EXOG: variants seen among roughly 807,000 people sequenced by gnomAD.
EXOG encodes the protein nuclease EXOG, mitochondrial.
In EXOG, 27 loss-of-function variants were observed where a neutral mutation model predicts 25.8. The ratio of observed to expected loss-of-function variants is 1.05; its 90% CI spans 0.77 to 1.45. The LOEUF is 1.45. Among genes scored for constraint, EXOG ranks in the 40% most tolerant of loss-of-function variants. The pLI is 0.00. For synonymous variants in EXOG, 133 were observed against 167.0 expected, an observed-to-expected ratio of 0.80 and a Z score of 1.57; for missense variants, 458 against 450.5, an observed-to-expected ratio of 1.02 and a Z score of -0.15.
At chr3:38,501,003 T>TA (rs201210312) in intron 2 of EXOG, among the ~76,000 whole-genome samples, 3 of 152,236 alleles carry the variant, frequency 2.0e-5, no homozygotes, top group Non-Finnish European at 4.4e-5. Flanking sequence ...GAGTCTTTTT[T>TA]AAAAAACAAG....
chr3:38,517,165 T>A (rs1165108665), intron 5 of EXOG, among the ~76,000 whole-genome samples: 1 of 152,266 alleles, frequency 6.6e-6, no homozygotes, highest in Non-Finnish European at 1.5e-5. Context: ...TATTACTATG[T>A]TAGTTGCTAA....
In EXOG at chr3:38,497,692, GTTACAC is replaced by G. The variant is rs2059935569; in HGVS notation, c.229_234del (p.Tyr77_Thr78del). 6.2e-7 allele frequency: 1 copy of G among 1,608,520 alleles called. No individual in the cohort carries two copies. The highest frequency in any genetic ancestry group is 1.7e-5 in the Admixed American group (1 of 59,008). ...CCTTTAACTGGAACAGAGGCAAGGT[GTTACAC>G]TAATCACGCTTTGTCTTATGATCAG... On this transcript the variant is annotated inframe_deletion, in exon 2 of 6. Transcript: ENST00000287675.
intron 5 of EXOG, among the ~76,000 whole-genome samples, chr3:38,520,426 T>C (rs1212629131): frequency 6.6e-6 from 1 of 152,232 alleles, no homozygotes; most frequent in Non-Finnish European, 1.5e-5. Context: ...CAAAATATTT[T>C]TATACCTAAA....
intron 4 of EXOG, 88 bp from the exon 5 acceptor site, chr3:38,506,766 G>T: frequency 1.8e-6 from 1 of 540,880 alleles, no homozygotes; most frequent in Non-Finnish European, 3.3e-6. Context: ...AGTTTTTCTT[G>T]GTATCTTTCA....
At position 38,524,366 on chromosome 3, in the gene EXOG, T is replaced by C. The variant is rs995108836; in HGVS notation, c.*4T>C. ...CCAGATAAGAAAGCCATCCTAGTTT[T>C]TATCTCAAGATGTGTCATACCGTCT... On this transcript the variant is annotated 3_prime_UTR_variant, in exon 6 of 6. Coordinates refer to ENST00000287675, the MANE Select transcript of EXOG (RefSeq NM_005107.4). The C allele has an allele frequency of 3.1e-6, 5 of 1,594,944 alleles. No homozygotes were observed. The highest frequency in any genetic ancestry group is 4.3e-6 in the Non-Finnish European group (5 of 1,172,690).
intron 2 of EXOG, among the ~76,000 whole-genome samples, chr3:38,498,358 G>A (rs2059953127): frequency 6.6e-6 from 1 of 152,004 alleles, no homozygotes; most frequent in Admixed American, 6.6e-5. Context: ...AGTTTGAGAT[G>A]AGCCTGGCCA....
chr3:38,506,788 A>G (rs2125767921), intron 4 of EXOG, 66 bp from the exon 5 acceptor site: 13 of 695,298 alleles, frequency 1.9e-5, no homozygotes, highest in South Asian at 1.1e-4. Flanking sequence ...AGGAATTGAT[A>G]TGATTTGCTG....
At chr3:38,507,074 T>G in intron 5 of EXOG, 106 bp downstream of exon 5, 1 of 528,956 alleles carries the variant, frequency 1.9e-6, no homozygotes, top group Non-Finnish European at 3.4e-6. Flanking sequence ...AAATTTTGCA[T>G]TCTACTTTTT....
At chr3:38,519,030 A>G (rs764130269) in intron 5 of EXOG, among the ~76,000 whole-genome samples, 2 of 152,210 alleles carry the variant, frequency 1.3e-5, no homozygotes, top group African/African-American at 2.4e-5. Context: ...GATGGTGTGG[A>G]TGGAGAGAGG....
At chr3:38,518,079 C>G (rs932598822) in intron 5 of EXOG, among the ~76,000 whole-genome samples, 1 of 151,582 alleles carries the variant, frequency 6.6e-6, no homozygotes, top group African/African-American at 2.4e-5. Flanking sequence ...TTAATTGGGC[C>G]CAAATTTTTA....
intron 3 of EXOG, among the ~76,000 whole-genome samples, chr3:38,503,033 C>T (rs1250374222): frequency 6.6e-6 from 1 of 152,104 alleles, no homozygotes; most frequent in East Asian, 1.9e-4. Flanking sequence ...TTTAAAGCTC[C>T]CTAGATTATT....
At position 38,524,551 on chromosome 3, in the gene EXOG, G is replaced by GCTTA. The variant is rs1200218889; in HGVS notation, c.*190_*193dup. ...GCTCACTATAGCCTCAAACTTCTGG[G>GCTTA]CTTAAGCAATCCTCCTGCCTCTGCC... On this transcript the variant is annotated 3_prime_UTR_variant, in exon 6 of 6. Coordinates refer to ENST00000287675, the MANE Select transcript of EXOG (RefSeq NM_005107.4). The GCTTA allele has an allele frequency of 7.8e-7, 1 of 1,282,538 alleles. No individual in the cohort carries two copies. The highest frequency in any genetic ancestry group is 1.5e-5 in the African/African-American group (1 of 65,974). The allele number at this position is 1,282,538 out of a possible 1,614,324, so 79.4% of individuals were successfully genotyped here.
At chr3:38,508,317 C>T (rs1280186385) in intron 5 of EXOG, among the ~76,000 whole-genome samples, 2 of 152,054 alleles carry the variant, frequency 1.3e-5, no homozygotes, top group African/African-American at 4.8e-5. Flanking sequence ...GTGAGAGCTT[C>T]AGACATCTAA....
At chr3:38,497,145 T>A in intron 1 of EXOG, 1 of 1,003,228 alleles carries the variant, frequency 1.0e-6, no homozygotes, top group Non-Finnish European at 1.2e-6. Flanking sequence ...AACTTGCTCC[T>A]TTGGATACTT....
intron 2 of EXOG, chr3:38,498,949 C>T (rs1255597920): frequency 2.2e-6 from 1 of 456,702 alleles, no homozygotes; most frequent in Non-Finnish European, 4.4e-6. Context: ...GTTTACACTC[C>T]TAGCATCATT....
rs2060834565 is a variant in EXOG, at chr3:38,524,861, T to G, written c.*499T>G. On this transcript the variant is annotated 3_prime_UTR_variant, in exon 6 of 6. Transcript: ENST00000287675. ...ATGTAGAGTATTGGGAAGGCATTTG[T>G]TTAGTTTCATGCCTCCAAACCATGC... 1.0e-6 allele frequency: 1 copy of G among 986,302 alleles called. No individual in the cohort carries two copies. The highest frequency in any genetic ancestry group is 1.7e-5 in the African/African-American group (1 of 57,238). 61.1% of individuals were successfully genotyped at this position (986,302 alleles called of 1,614,324 possible). A position where few individuals can be genotyped will look rare whatever the true frequency, so the allele number is the denominator to read the frequency against.
chr3:38,523,893 G>A lies in EXOG; in HGVS notation c.646-8G>A. 1.3e-6 allele frequency: 2 copies of A among 1,521,636 alleles called. No individual in the cohort carries two copies. Among genetic ancestry groups the A allele is most frequent in the South Asian group, 1.3e-5 (1 of 76,222 alleles). The allele number at this position is 1,521,636 out of a possible 1,614,324, so 94.3% of individuals were successfully genotyped here. A position where few individuals can be genotyped will look rare whatever the true frequency, so the allele number is the denominator to read the frequency against. On this transcript the variant is annotated splice_region_variant and splice_polypyrimidine_tract_variant and intron_variant, in intron 5 of 5. Transcript: ENST00000287675. ...TTGGCATCACTAATATGGCTGCTTT[G>A]TTTTTAGGTGATTGGCGAGGACAAC...
chr3:38,515,400 G>T, intron 5 of EXOG: 1 of 156,822 alleles, frequency 6.4e-6, no homozygotes. Context: ...CTCTCTGGAA[G>T]GGGCAGCCAG....
Position 38,499,117 on chromosome 3 carries a change from A to G in EXOG, c.313+1339A>G, listed in dbSNP as rs2059975673. ...ATTCTTTACCTATTTCAGTTGGGGT[A>G]TTCTCTTTTGAATTTATTTGTAAAA... is the stretch of plus-strand genomic sequence containing the variant. On this transcript the variant is annotated intron_variant, in intron 2 of 5. Transcript: ENST00000287675. 13 of 348,188 alleles carry G rather than the reference A, an allele frequency of 3.7e-5. No individual in the cohort carries two copies. The Admixed American group carries it at 5.1e-4, about 14-fold the overall frequency. The allele number at this position is 348,188 out of a possible 1,614,324, so 21.6% of individuals were successfully genotyped here.
Sources: gnomAD v4.1 joint callset for allele counts (sites outside exome capture counted in the v4.1 genomes callset) on GRCh38, gnomAD v4.1.1 for gene constraint, MANE v1.5 for transcripts, NCBI Gene and HGNC (gene_info 2026-07-23, HGNC 2026-07-21) for gene names.